GGCT: variants seen among roughly 807,000 people sequenced by gnomAD.
GGCT encodes gamma-glutamylcyclotransferase, also known as cytochrome c-releasing factor 21.
GGCT carries 20 observed loss-of-function variants against 22.1 expected under a neutral mutation model. That is an observed-to-expected ratio of 0.91 (90% CI 0.64 to 1.32). The LOEUF (loss-of-function observed/expected upper bound fraction) is 1.32, where lower values mean the gene tolerates loss of function less well. GGCT is among the 40% of genes most tolerant of loss of function. GGCT has a pLI of 0.00. For missense variants in GGCT, 209 were observed against 223.5 expected, an observed-to-expected ratio of 0.94 and a Z score of 0.41; for synonymous variants, 72 against 78.4, an observed-to-expected ratio of 0.92 and a Z score of 0.43.
At chr7:30,502,034 C>T (rs1406580799) in intron 1 of GGCT, among the ~76,000 whole-genome samples, 1 of 152,202 alleles carries the variant, frequency 6.6e-6, no homozygotes, top group African/African-American at 2.4e-5. Context: ...AGGTAACCAC[C>T]TTCTCCTGAT....
chr7:30,499,063 T>G (rs1290850255), intron 2 of GGCT, 125 bp from the exon 3 acceptor site: 27 of 847,162 alleles, frequency 3.2e-5, no homozygotes, highest in Non-Finnish European at 5.3e-5. Flanking sequence ...CTGAACATAC[T>G]TGCTCCCTAT....
chr7:30,504,615 T>G lies in GGCT; in HGVS notation c.95A>C (p.His32Pro), dbSNP rs369149277. ...YGSNLLTERIHLRNPSAAFFC... is the reference protein window; with the variant it reads ...YGSNLLTERIPLRNPSAAFFC... Reference sequence around the variant, plus strand: ...GAACGCCGCCGAGGGGTTTCGGAGGTGGATCCTCTCTGTCAGCAGGTTGCT... The same window carrying G: ...GAACGCCGCCGAGGGGTTTCGGAGGGGGATCCTCTCTGTCAGCAGGTTGCT... Residue 32 changes from histidine (H) to proline (P), a missense_variant, in exon 1 of 4, where the codon CAC becomes CCC. Physicochemically the swap from His to Pro is moderately conservative, Grantham distance 77 (BLOSUM62 -2). Transcript: ENST00000275428. 2.7e-5 allele frequency: 43 copies of G among 1,613,800 alleles called. No homozygotes were observed. Among genetic ancestry groups the G allele is most frequent in the Non-Finnish European group, 3.6e-5 (42 of 1,179,938 alleles).
chr7:30,504,785 T>C lies in GGCT; in HGVS notation c.-76A>G, dbSNP rs1219567281. 4 of 1,438,132 alleles carry C rather than the reference T, an allele frequency of 2.8e-6. No individual in the cohort carries two copies. The highest frequency in any genetic ancestry group is 1.8e-4 in the Middle Eastern group (1 of 5,666). 89.1% of individuals were successfully genotyped at this position (1,438,132 alleles called of 1,614,324 possible). ...CAGAGAGCGCAACACTGGGGCCCAC[T>C]ACCCCGGCGCAGTGACCGCCGCGCG... On this transcript the variant is annotated 5_prime_UTR_variant, in exon 1 of 4. Coordinates refer to ENST00000275428, the MANE Select transcript of GGCT (RefSeq NM_024051.4).
intron 1 of GGCT, among the ~76,000 whole-genome samples, chr7:30,502,451 A>C (rs1396058790): frequency 2.0e-5 from 3 of 152,110 alleles, no homozygotes; most frequent in Admixed American, 6.5e-5. Flanking sequence ...TCATCTTTAA[A>C]CCCAGACCAG....
At chr7:30,498,690 A>C in intron 3 of GGCT, 113 bp downstream of exon 3, 1 of 915,924 alleles carries the variant, frequency 1.1e-6, no homozygotes, top group Non-Finnish European at 1.7e-6. Context: ...AAGTGGTGGC[A>C]TTACAGGCAT....
intron 3 of GGCT, among the ~76,000 whole-genome samples, chr7:30,498,518 C>T (rs144000212): frequency 0.027 from 4,150 of 152,274 alleles, 91 homozygotes; most frequent in South Asian, 0.049. Flanking sequence ...CTCCTGGGTT[C>T]AAGCAATTCT....
In GGCT at chr7:30,500,472, A is replaced by G; in HGVS notation, c.287+64T>C. 7 of 1,317,170 alleles carry G rather than the reference A, an allele frequency of 5.3e-6. No homozygotes were observed. The South Asian group carries it at 8.6e-5, about 16-fold the overall frequency. The allele number at this position is 1,317,170 out of a possible 1,614,324, so 81.6% of individuals were successfully genotyped here. On this transcript the variant is annotated intron_variant, in intron 2 of 3. Coordinates refer to ENST00000275428, the MANE Select transcript of GGCT (RefSeq NM_024051.4). ...TTGAAAAACTAACACACAGGTACAC[A>G]TCCTCACATACAATCTGCTTTCTGA...
chr7:30,499,149 C>T (rs1167445542), intron 2 of GGCT: 2 of 536,492 alleles, frequency 3.7e-6, no homozygotes, highest in Non-Finnish European at 3.4e-6. Context: ...CGGTGGCTCA[C>T]ATCTGTAATC....
chr7:30,500,492 T>G, intron 2 of GGCT, 44 bp downstream of exon 2: 1 of 1,517,326 alleles, frequency 6.6e-7, no homozygotes. Context: ...ACAATCTGCT[T>G]TCTGAATTAA....
chr7:30,497,698 T>C (rs948427949), intron 3 of GGCT: 41 of 1,175,594 alleles, frequency 3.5e-5, no homozygotes, highest in Non-Finnish European at 4.4e-5. Context: ...TTCTCTAGGT[T>C]TCATACTAAA....
chr7:30,501,293 T>A (rs902340826), intron 1 of GGCT, among the ~76,000 whole-genome samples: 1 of 152,264 alleles, frequency 6.6e-6, no homozygotes, highest in East Asian at 1.9e-4. Context: ...CCCAAAGACA[T>A]GGATAAAAGA....
rs776476975 is a variant in GGCT, at chr7:30,497,050, A to G, written c.*42T>C. On this transcript the variant is annotated 3_prime_UTR_variant, in exon 4 of 4. Transcript: ENST00000275428. The stretch of plus-strand genomic sequence containing the variant: ...TGTTCTCAAGTGTTAAAAATATTTT[A>G]TATTAGCACATAGAATACCCTTAGA... 9.7e-6 allele frequency: 13 copies of G among 1,334,206 alleles called. No homozygotes were observed. Among genetic ancestry groups the G allele is most frequent in the Non-Finnish European group, 1.3e-5 (13 of 963,846 alleles). The allele number at this position is 1,334,206 out of a possible 1,614,324, so 82.6% of individuals were successfully genotyped here. A position where few individuals can be genotyped will look rare whatever the true frequency, so the allele number is the denominator to read the frequency against.
intron 3 of GGCT, chr7:30,497,632 G>A (rs1789582514): frequency 3.7e-6 from 2 of 539,566 alleles, no homozygotes; most frequent in Non-Finnish European, 5.8e-6. Flanking sequence ...ATTGGACATG[G>A]GGGAATAAAT....
intron 1 of GGCT, 44 bp from the exon 2 acceptor site, chr7:30,500,725 C>A: frequency 1.3e-6 from 2 of 1,530,692 alleles, no homozygotes; most frequent in Non-Finnish European, 1.8e-6. Context: ...CCACTTGAAT[C>A]CAAATTTCCC....
chr7:30,497,735 G>C (rs1443143523), intron 3 of GGCT: 2 of 1,368,862 alleles, frequency 1.5e-6, no homozygotes, highest in African/African-American at 1.5e-5. Context: ...CTAGGAACCA[G>C]ATTACCTATT....
chr7:30,497,379 A>G (rs1180397330), intron 3 of GGCT, 144 bp from the exon 4 acceptor site: 5 of 567,442 alleles, frequency 8.8e-6, no homozygotes, highest in African/African-American at 1.9e-5. Flanking sequence ...TATATAAAAT[A>G]GAATACCATC....
chr7:30,501,815 G>C (rs1789710041), intron 1 of GGCT, among the ~76,000 whole-genome samples: 1 of 152,040 alleles, frequency 6.6e-6, no homozygotes. Flanking sequence ...ATATTTTCTA[G>C]AAAAACTTGT....
intron 3 of GGCT, among the ~76,000 whole-genome samples, chr7:30,498,491 C>G (rs1642366778): frequency 6.6e-6 from 1 of 152,158 alleles, no homozygotes; most frequent in African/African-American, 2.4e-5. Flanking sequence ...CTGATCTCAG[C>G]TCACTGCAAC....
intron 1 of GGCT, among the ~76,000 whole-genome samples, chr7:30,502,348 G>T (rs1416398905): frequency 1.3e-5 from 2 of 152,176 alleles, no homozygotes; most frequent in South Asian, 2.1e-4. Context: ...GAAGCCAAAA[G>T]GTTGGACACC....
Sources: allele counts gnomAD v4.1 joint callset (sites outside exome capture counted in the v4.1 genomes callset), GRCh38; gene constraint gnomAD v4.1.1; transcripts MANE v1.5; gene names NCBI Gene and HGNC (gene_info 2026-07-23, HGNC 2026-07-21).